The following MACROD2 variants were observed in gnomAD, a reference collection of about 807,000 sequenced individuals.
MACROD2 encodes the protein mono-ADP ribosylhydrolase 2, also known as ADP-ribose glycohydrolase MACROD2.
Under a neutral mutation model 70.4 loss-of-function variants are expected in MACROD2, and 36 were observed. The ratio of observed to expected loss-of-function variants is 0.51; its 90% CI spans 0.39 to 0.68. The LOEUF is 0.68. Ranked by LOEUF, MACROD2 falls within the 30% of genes least tolerant of loss-of-function variation. The pLI is 0.00. For synonymous variants in MACROD2, 172 were observed against 178.8 expected (o/e 0.96, Z 0.30); for missense variants, 496 against 538.4 (o/e 0.92, Z 0.78).
At chr20:15,675,199 A>G (rs2050040030) in intron 8 of MACROD2, among the ~76,000 whole-genome samples, 1 of 152,216 alleles carries the variant, frequency 6.6e-6, no homozygotes, top group African/African-American at 2.4e-5. Context: ...ATAAATTAGG[A>G]ATGCAGTAAC....
At chr20:15,044,153 A>G (rs1230369395) in intron 5 of MACROD2, among the ~76,000 whole-genome samples, 2 of 152,232 alleles carry the variant, frequency 1.3e-5, no homozygotes, top group African/African-American at 2.4e-5. Flanking sequence ...CTCTCATCAC[A>G]TGGTCGGATC....
chr20:14,306,617 C>T (rs1171222947), intron 3 of MACROD2, among the ~76,000 whole-genome samples: 1 of 152,110 alleles, frequency 6.6e-6, no homozygotes, highest in Non-Finnish European at 1.5e-5. Context: ...AGGGGGTCTT[C>T]AAGCCAGCAC....
At chr20:15,360,046 A>G (rs2078333891) in intron 6 of MACROD2, among the ~76,000 whole-genome samples, 1 of 152,156 alleles carries the variant, frequency 6.6e-6, no homozygotes, top group Admixed American at 6.6e-5. Flanking sequence ...TCACAAATCT[A>G]TCTACCCTCT....
chr20:15,764,350 G>C (rs1318456643), intron 8 of MACROD2, among the ~76,000 whole-genome samples: 2 of 152,044 alleles, frequency 1.3e-5, no homozygotes, highest in African/African-American at 4.8e-5. Context: ...TATTTGTTCT[G>C]TTCATCCATT....
At chr20:15,074,417 G>A (rs1247682043) in intron 5 of MACROD2, among the ~76,000 whole-genome samples, 1 of 152,182 alleles carries the variant, frequency 6.6e-6, no homozygotes, top group Non-Finnish European at 1.5e-5. Context: ...CCTGGAAGGG[G>A]CTTGGAAGAT....
chr20:14,258,220 A>G (rs7271710), intron 3 of MACROD2, among the ~76,000 whole-genome samples: 57,424 of 151,990 alleles, frequency 0.38, 12,537 homozygotes, highest in African/African-American at 0.58. Context: ...CTTTTTTCAT[A>G]TAATGACTTC....
At chr20:15,023,222 A>G (rs191299822) in intron 5 of MACROD2, among the ~76,000 whole-genome samples, 6 of 152,298 alleles carry the variant, frequency 3.9e-5, no homozygotes, top group Admixed American at 3.3e-4. Flanking sequence ...CAGAATCCCA[A>G]GAAACACTTA....
chr20:15,745,125 TA>T (rs1349626298), intron 8 of MACROD2, among the ~76,000 whole-genome samples: 5 of 152,248 alleles, frequency 3.3e-5, no homozygotes, highest in Admixed American at 1.3e-4. Flanking sequence ...TACTACAGTT[TA>T]TTCATTGTAT....
Position 14,455,915 on chromosome 20 carries a change from G to T in MACROD2, c.272-37564G>T, listed in dbSNP as rs546564889. 7.4e-4 allele frequency among the ~76,000 whole-genome samples: 112 copies of T among 151,730 alleles called. No homozygotes were observed. In the Middle Eastern group the frequency reaches 0.017, roughly 23 times the overall value. Reference sequence around the variant, plus strand: ...AATGTATTAAAAAAATGGTCTTCATGTATCATCTAAAAATTATCTTATGTC... The same window carrying T: ...AATGTATTAAAAAAATGGTCTTCATTTATCATCTAAAAATTATCTTATGTC... On this transcript the variant is annotated intron_variant, in intron 3 of 17. Transcript: ENST00000684519.
At chr20:15,006,484 A>C (rs776770384) in intron 5 of MACROD2, among the ~76,000 whole-genome samples, 2 of 152,108 alleles carry the variant, frequency 1.3e-5, no homozygotes, top group African/African-American at 2.4e-5. Context: ...AGCGAGTATA[A>C]CAAGTATTCC....
chr20:14,244,453 A>G lies in MACROD2; in HGVS notation c.271+158725A>G, dbSNP rs553312426. Among the ~76,000 whole-genome samples the G allele has an allele frequency of 3.3e-5, 5 of 152,248 alleles. No individual in the cohort carries two copies. In the South Asian group the frequency reaches 1.0e-3, roughly 32 times the overall value. On this transcript the variant is annotated intron_variant, in intron 3 of 17. Transcript: ENST00000684519. ...CATGAAGAATGTTTATTTAGTGGTC[A>G]GTATGTAGATGGCCAACTCTAGAAG...
At chr20:14,667,033 CA>C (rs1273538590) in intron 4 of MACROD2, among the ~76,000 whole-genome samples, 3 of 151,782 alleles carry the variant, frequency 2.0e-5, no homozygotes, top group Non-Finnish European at 4.4e-5. Context: ...AAACTTCTGA[CA>C]AGATCCAATA....
chr20:15,770,089 C>CTTTTTTT (rs1156897064), intron 8 of MACROD2, among the ~76,000 whole-genome samples: 1 of 44,384 alleles, frequency 2.3e-5, no homozygotes, highest in Non-Finnish European at 5.3e-5. Flanking sequence ...TTTTAATTTT[C>CTTTTTTT]TTTTTTTTTT....
intron 5 of MACROD2, among the ~76,000 whole-genome samples, chr20:14,995,335 A>T (rs1328306455): frequency 6.6e-6 from 1 of 152,048 alleles, no homozygotes; most frequent in African/African-American, 2.4e-5. Context: ...TACATATGAA[A>T]AATTAGACGT....
chr20:15,867,337 G>T (rs977355231), intron 9 of MACROD2, among the ~76,000 whole-genome samples: 1 of 152,130 alleles, frequency 6.6e-6, no homozygotes, highest in Non-Finnish European at 1.5e-5. Context: ...AATGCTTTAA[G>T]AAACTCCAGG....
chr20:15,707,621 A>G (rs776177127), intron 8 of MACROD2, among the ~76,000 whole-genome samples: 22 of 152,028 alleles, frequency 1.4e-4, no homozygotes, highest in Admixed American at 7.2e-4. Flanking sequence ...CCGTCTCTAC[A>G]AAAATACAAA....
intron 6 of MACROD2, among the ~76,000 whole-genome samples, chr20:15,281,842 C>T (rs1784907418): frequency 4.6e-5 from 7 of 152,242 alleles, no homozygotes; most frequent in Admixed American, 4.6e-4. Context: ...ACTCTAACCC[C>T]ACATTTCCCT....
intron 6 of MACROD2, among the ~76,000 whole-genome samples, chr20:15,286,586 C>T (rs764968279): frequency 6.6e-6 from 1 of 151,918 alleles, no homozygotes; most frequent in South Asian, 2.1e-4. Context: ...CAGGTGGAGA[C>T]GAGGGCTACA....
At chr20:14,789,766 G>A (rs1697191180) in intron 5 of MACROD2, among the ~76,000 whole-genome samples, 1 of 151,752 alleles carries the variant, frequency 6.6e-6, no homozygotes, top group African/African-American at 2.4e-5. Context: ...GTGAGCCACT[G>A]CACCCGGCCA....
Sources: allele counts gnomAD v4.1 joint callset (sites outside exome capture counted in the v4.1 genomes callset), GRCh38; gene constraint gnomAD v4.1.1; transcripts MANE v1.5; gene names NCBI Gene and HGNC (gene_info 2026-07-23, HGNC 2026-07-21).